Variants in C2CD2 observed in about 807,000 individuals in gnomAD.
C2CD2 encodes C2 calcium dependent domain containing 2.
A neutral mutation model predicts 74.3 loss-of-function variants in C2CD2; 43 were observed. The ratio of observed to expected loss-of-function variants is 0.58; its 90% CI spans 0.45 to 0.75. The LOEUF is 0.75. C2CD2 is among the 30% of genes least tolerant of loss of function. C2CD2 has a pLI of 0.00. For synonymous variants in C2CD2, 422 were observed against 390.7 expected, an observed-to-expected ratio of 1.08 and a Z score of -0.94; for missense variants, 801 against 916.3, an observed-to-expected ratio of 0.87 and a Z score of 1.63.
Position 41,929,420 on chromosome 21 carries a change from G to GCCTGCCCTGCTTCCCACAGC in C2CD2, c.379-7355_379-7336dup, listed in dbSNP as rs1219660645. On this transcript the variant is annotated intron_variant, in intron 2 of 13. Transcript: ENST00000380486. The surrounding 1 kb of genome is among the most constrained non-coding windows in gnomAD (Gnocchi z 4.6). ...CATGCGGGGTACTGCACGGGCACAGGCCTGCCCTGCTTCCCACAGCCCTGC... is the reference window on the plus strand; with the variant it reads ...CATGCGGGGTACTGCACGGGCACAGGCCTGCCCTGCTTCCCACAGCCCTGCCCTGCTTCCCACAGCCCTGC... Among the ~76,000 whole-genome samples the GCCTGCCCTGCTTCCCACAGC allele has an allele frequency of 6.6e-6, 1 of 152,200 alleles. No homozygotes were observed. Among genetic ancestry groups the GCCTGCCCTGCTTCCCACAGC allele is most frequent in the Non-Finnish European group, 1.5e-5 (1 of 68,040 alleles).
At chr21:41,930,780 C>T (rs940366733) in intron 2 of C2CD2, among the ~76,000 whole-genome samples, 3 of 150,044 alleles carry the variant, frequency 2.0e-5, no homozygotes, top group African/African-American at 7.3e-5. Flanking sequence ...AGAAATGCAA[C>T]TCTTTTTCAG....
At chr21:41,943,518 C>T (rs569212056) in intron 1 of C2CD2, among the ~76,000 whole-genome samples, 4 of 152,260 alleles carry the variant, frequency 2.6e-5, no homozygotes, top group Admixed American at 6.5e-5. Context: ...GAAAGCACAC[C>T]GTGTTTCAAT....
At chr21:41,908,243 T>TTGTGTGTGTGTGTGTGGGTGTGTGTG in intron 8 of C2CD2, 1 of 167,382 alleles carries the variant, frequency 6.0e-6, no homozygotes, top group Non-Finnish European at 1.2e-5. Context: ...TACCCTCAAG[T>TTGTGTGTGTGTGTGTGGGTGTGTGTG]TGTGTGTGTG....
rs1471995836 is a variant in C2CD2, at chr21:41,914,854, A to G, written c.721-133T>C. 4.4e-6 allele frequency: 3 copies of G among 679,424 alleles called. No homozygotes were observed. The Admixed American group carries it at 8.2e-5, about 19-fold the overall frequency. The allele number at this position is 679,424 out of a possible 1,614,324, so 42.1% of individuals were successfully genotyped here. A position where few individuals can be genotyped will look rare whatever the true frequency, so the allele number is the denominator to read the frequency against. On this transcript the variant is annotated intron_variant, in intron 5 of 13. Coordinates refer to ENST00000380486, the MANE Select transcript of C2CD2 (RefSeq NM_015500.2). ...CAGGAAAACCTGCACAGGGAGCCCG[A>G]GCTCTGGGATCTGCTCTGAAACAAT...
chr21:41,894,850 G>A (rs749935282), intron 13 of C2CD2: 13 of 456,616 alleles, frequency 2.8e-5, no homozygotes, highest in African/African-American at 1.0e-4. Context: ...CTAAATAGCC[G>A]CCCCATGGTG....
At chr21:41,931,715 C>G (rs189439322) in intron 2 of C2CD2, among the ~76,000 whole-genome samples, 1 of 150,400 alleles carries the variant, frequency 6.6e-6, no homozygotes, top group African/African-American at 2.4e-5. Flanking sequence ...GCCACCATGC[C>G]TGGCCAAGTG....
chr21:41,901,164 C>A, intron 12 of C2CD2: 1 of 230,592 alleles, frequency 4.3e-6, no homozygotes, highest in Non-Finnish European at 8.6e-6. Flanking sequence ...AAAGGGAGTG[C>A]GGTGTCCACG....
chr21:41,889,296 T>A lies in C2CD2; in HGVS notation c.1919A>T (p.Gln640Leu), dbSNP rs1231958259. ...GAKLFFRRRHQQKDPGMSQSH... is the reference protein window; with the variant it reads ...GAKLFFRRRHLQKDPGMSQSH... Reference sequence around the variant, plus strand: ...CTGACTCATGCCTGGGTCTTTCTGTTGATGCCGCCGGCGGAAGAACAGCTT... The same window carrying A: ...CTGACTCATGCCTGGGTCTTTCTGTAGATGCCGCCGGCGGAAGAACAGCTT... The change falls in exon 14 of 14, where the codon CAA becomes CTA. Residue 640 changes from glutamine to leucine, a missense_variant. Gln to Leu is a moderately radical substitution (Grantham distance 113). Coordinates refer to ENST00000380486, the MANE Select transcript of C2CD2 (RefSeq NM_015500.2). The A allele has an allele frequency of 6.8e-6, 11 of 1,614,116 alleles. No homozygotes were observed. Among genetic ancestry groups the A allele is most frequent in the Non-Finnish European group, 9.3e-6 (11 of 1,180,014 alleles).
chr21:41,939,513 C>T lies in C2CD2; in HGVS notation c.378+2634G>A, dbSNP rs2065337023. On this transcript the variant is annotated intron_variant, in intron 2 of 13. Coordinates refer to ENST00000380486, the MANE Select transcript of C2CD2 (RefSeq NM_015500.2). This position sits in a 1 kb window ranked among gnomAD's most constrained non-coding sequence, Gnocchi z 5.5. ...AGGGTGCTCACCGCCTGGGAAGGCA[C>T]TTCCAAAGCAGCGGGCTCCAGGAGG... 1.3e-5 allele frequency among the ~76,000 whole-genome samples: 2 copies of T among 152,204 alleles called. No homozygotes were observed. The highest frequency in any genetic ancestry group is 4.1e-4 in the South Asian group (2 of 4,832).
In C2CD2 at chr21:41,929,644, G is replaced by T. The variant is rs142353202; in HGVS notation, c.379-7559C>A. On this transcript the variant is annotated intron_variant, in intron 2 of 13. Coordinates refer to ENST00000380486, the MANE Select transcript of C2CD2 (RefSeq NM_015500.2). The surrounding 1 kb of genome is among the most constrained non-coding windows in gnomAD (Gnocchi z 4.6). The stretch of plus-strand genomic sequence containing the variant: ...ACCATTGGGAGCCTCCATTTACTTA[G>T]AAATGAAACTGAAAACAGACAACTA... Among the ~76,000 whole-genome samples the T allele has an allele frequency of 7.9e-5, 12 of 152,336 alleles. No homozygotes were observed. The highest frequency in any genetic ancestry group is 2.9e-4 in the African/African-American group (12 of 41,580).
intron 11 of C2CD2, among the ~76,000 whole-genome samples, chr21:41,905,138 A>C (rs2064944916): frequency 6.6e-6 from 1 of 152,100 alleles, no homozygotes; most frequent in African/African-American, 2.4e-5. Context: ...CAAGAGAAAA[A>C]TGAACAGAAA....
At position 41,929,819 on chromosome 21, in the gene C2CD2, C is replaced by A. The variant is rs1295925465; in HGVS notation, c.379-7734G>T. ...GAAAGCCACAGTTACCATACTGTAA[C>A]CAGAATTCAGGCAGTGGCTGCTAGC... is the stretch of plus-strand genomic sequence containing the variant. On this transcript the variant is annotated intron_variant, in intron 2 of 13. Transcript: ENST00000380486. The surrounding 1 kb of genome is among the most constrained non-coding windows in gnomAD (Gnocchi z 4.6). 1.3e-5 allele frequency among the ~76,000 whole-genome samples: 2 copies of A among 152,192 alleles called. No homozygotes were observed. The highest frequency in any genetic ancestry group is 2.9e-5 in the Non-Finnish European group (2 of 68,036).
chr21:41,909,353 G>A, intron 8 of C2CD2, 106 bp downstream of exon 8: 1 of 749,994 alleles, frequency 1.3e-6, no homozygotes, highest in Non-Finnish European at 2.4e-6. Flanking sequence ...TAGAGGAGGG[G>A]TCAGCTTCCT....
Position 41,907,476 on chromosome 21 carries a change from T to C in C2CD2, c.1143+184A>G, listed in dbSNP as rs563056374. On this transcript the variant is annotated intron_variant, in intron 9 of 13. Transcript: ENST00000380486. ...TATCTCCTCCAGCAGACAACTCAAT[T>C]GTACAGTGGACAGAACGTGCTCTAT... 3.0e-4 allele frequency among the ~76,000 whole-genome samples: 45 copies of C among 152,330 alleles called. No individual in the cohort carries two copies. In the South Asian group the frequency reaches 9.3e-3, roughly 32 times the overall value.
chr21:41,936,586 C>T (rs1354863097), intron 2 of C2CD2, among the ~76,000 whole-genome samples: 2 of 152,188 alleles, frequency 1.3e-5, no homozygotes, highest in Admixed American at 6.5e-5. Context: ...AGTCCCACTA[C>T]TGGGTATACT....
At chr21:41,950,127 A>G (rs2065438049) in intron 1 of C2CD2, among the ~76,000 whole-genome samples, 1 of 152,146 alleles carries the variant, frequency 6.6e-6, no homozygotes, top group East Asian at 1.9e-4. Flanking sequence ...CCTAGAACTT[A>G]AAGTATCATA....
intron 2 of C2CD2, among the ~76,000 whole-genome samples, chr21:41,940,920 A>G (rs373706143): frequency 1.3e-4 from 20 of 152,332 alleles, no homozygotes; most frequent in Admixed American, 8.5e-4. Context: ...TATGCTGAAC[A>G]TAACTGGCAA....
intron 12 of C2CD2, chr21:41,901,247 T>C (rs868448823): frequency 1.5e-4 from 49 of 325,322 alleles, no homozygotes; most frequent in African/African-American, 1.0e-3. Flanking sequence ...GTAAAAGGCT[T>C]TGGAAACGTG....
At position 41,936,045 on chromosome 21, in the gene C2CD2, AT is replaced by A. The variant is rs71274596; in HGVS notation, c.378+6101del. Among the ~76,000 whole-genome samples, 8 of 151,116 alleles carry A rather than the reference AT, an allele frequency of 5.3e-5. No homozygotes were observed. In the East Asian group the frequency reaches 7.8e-4, roughly 15 times the overall value. On this transcript the variant is annotated intron_variant, in intron 2 of 13. Coordinates refer to ENST00000380486, the MANE Select transcript of C2CD2 (RefSeq NM_015500.2). ...CTTTAAGACACTGGATTGGGCAATG[AT>A]TTTTTTTTGGTATGATCCCCAAAAC...
Sources: gnomAD v4.1 joint callset for allele counts (sites outside exome capture counted in the v4.1 genomes callset) on GRCh38, gnomAD v4.1.1 for gene constraint, Gnocchi (gnomAD v3.1) non-coding constraint, MANE v1.5 for transcripts, NCBI Gene and HGNC (gene_info 2026-07-23, HGNC 2026-07-21) for gene names.